EYS: variants seen among roughly 807,000 people sequenced by gnomAD.
EYS encodes protein eyes shut homolog.
Under a neutral mutation model 282.1 loss-of-function variants are expected in EYS, and 250 were observed. That is an observed-to-expected ratio of 0.89 (90% CI 0.80 to 0.98). The LOEUF is 0.98. EYS is among the 50% of genes least tolerant of loss of function. EYS has a pLI of 0.00. For synonymous variants in EYS, 1,355 were observed against 1,282.9 expected, an observed-to-expected ratio of 1.06 and a Z score of -1.20; for missense variants, 4,016 against 3,709.0, an observed-to-expected ratio of 1.08 and a Z score of -2.15.
At chr6:63,780,143 A>G (rs1021102197) in intron 39 of EYS, among the ~76,000 whole-genome samples, 3 of 152,164 alleles carry the variant, frequency 2.0e-5, no homozygotes, top group Non-Finnish European at 4.4e-5. Flanking sequence ...AATCCAGTCT[A>G]TCATTGATGG....
rs145810589 is a variant in EYS at position 64,788,949 on chromosome 6, G to T, written c.3443+24429C>A. ...ATCTGCTACTTGTAACCCAAAACCC[G>T]TAAGTCACCTCAATAAAGTGATTGC... is the stretch of plus-strand genomic sequence containing the variant. On this transcript the variant is annotated intron_variant, in intron 22 of 42. Coordinates refer to ENST00000503581, the MANE Select transcript of EYS (RefSeq NM_001142800.2). 1.2e-3 allele frequency among the ~76,000 whole-genome samples: 177 copies of T among 152,202 alleles called. 1 individual carries two copies. Among genetic ancestry groups the T allele is most frequent in the African/African-American group, 3.9e-3 (160 of 41,552 alleles).
intron 12 of EYS, among the ~76,000 whole-genome samples, chr6:65,111,806 C>T (rs1028302104): frequency 6.6e-6 from 1 of 152,144 alleles, no homozygotes; most frequent in Non-Finnish European, 1.5e-5. Context: ...AAGATTGCAC[C>T]ACTGCACTCC....
intron 21 of EYS, among the ~76,000 whole-genome samples, chr6:64,817,054 C>A (rs146725073): frequency 0.026 from 3,924 of 151,652 alleles, 66 homozygotes; most frequent in East Asian, 0.054. Flanking sequence ...AATGAATGTT[C>A]CCATTTTGCA....
chr6:64,832,705 G>T (rs185638227), intron 19 of EYS, among the ~76,000 whole-genome samples: 1 of 151,958 alleles, frequency 6.6e-6, no homozygotes, highest in East Asian at 1.9e-4. Context: ...CAGTATCATG[G>T]ATATATGCAT....
Position 65,123,758 on chromosome 6 carries a change from C to CACACA in EYS, c.2024-66032_2024-66031insTGTGT, listed in dbSNP as rs1554157087. 6.8e-3 allele frequency among the ~76,000 whole-genome samples: 1,007 copies of CACACA among 147,074 alleles called. 19 individuals are homozygous for CACACA. Among genetic ancestry groups the CACACA allele is most frequent in the Admixed American group, 0.026 (376 of 14,638 alleles). ...CAGCTGACTTATAACACCCACCCAC[C>CACACA]CACACACACACACACACACACACAC... On this transcript the variant is annotated intron_variant, in intron 12 of 42. Coordinates refer to ENST00000503581, the MANE Select transcript of EYS (RefSeq NM_001142800.2).
At chr6:65,655,780 C>A (rs942047536) in intron 1 of EYS, among the ~76,000 whole-genome samples, 1 of 151,692 alleles carries the variant, frequency 6.6e-6, no homozygotes, top group African/African-American at 2.4e-5. Context: ...TATGGATGAG[C>A]AAATAACATG....
intron 12 of EYS, among the ~76,000 whole-genome samples, chr6:65,278,741 G>A (rs1768134277): frequency 6.6e-6 from 1 of 152,100 alleles, no homozygotes. Flanking sequence ...TATTGTGCCA[G>A]ATGACATGAG....
At position 64,822,715 on chromosome 6, in the gene EYS, A is replaced by C. The variant is rs1188028980; in HGVS notation, c.3100T>G (p.Phe1034Val). The change falls in exon 20 of 43, where the codon TTT becomes GTT. Residue 1034 changes from phenylalanine to valine, a missense_variant. Transcript: ENST00000503581. ...NHYTCDCKSG[F>V]FGTHCETNAN... Reference sequence around the variant, plus strand: ...TTTGTTTCACAGTGTGTTCCAAAAAACCCACTCTTGCAGTCACAGGTATAA... The same window carrying C: ...TTTGTTTCACAGTGTGTTCCAAAAACCCCACTCTTGCAGTCACAGGTATAA... The C allele has an allele frequency of 3.9e-6, 6 of 1,549,148 alleles. No homozygotes were observed. The highest frequency in any genetic ancestry group is 1.4e-5 in the African/African-American group (1 of 72,896).
chr6:64,494,277 T>C (rs1262388033), intron 26 of EYS, among the ~76,000 whole-genome samples: 1 of 151,674 alleles, frequency 6.6e-6, no homozygotes, highest in African/African-American at 2.4e-5. Flanking sequence ...GCAATCTGAT[T>C]ATGGCACTTG....
intron 31 of EYS, among the ~76,000 whole-genome samples, chr6:64,097,080 A>C (rs1444744243): frequency 6.6e-6 from 1 of 151,642 alleles, no homozygotes; most frequent in Non-Finnish European, 1.5e-5. Context: ...ATTGGTGAAC[A>C]GGAAATGTTG....
At chr6:65,135,618 G>A (rs1156418186) in intron 12 of EYS, among the ~76,000 whole-genome samples, 1 of 151,894 alleles carries the variant, frequency 6.6e-6, no homozygotes, top group Admixed American at 6.6e-5. Flanking sequence ...TTACAAGTCT[G>A]TTAAATATCA....
At chr6:65,177,672 A>T (rs1194177133) in intron 12 of EYS, among the ~76,000 whole-genome samples, 1 of 151,912 alleles carries the variant, frequency 6.6e-6, no homozygotes, top group Non-Finnish European at 1.5e-5. Context: ...AGATGGCTTT[A>T]ACCAGTTTCT....
At chr6:65,331,515 C>T in intron 11 of EYS, 2 of 954,320 alleles carry the variant, frequency 2.1e-6, no homozygotes, top group South Asian at 4.9e-5. Flanking sequence ...TTGTTGGGCT[C>T]CATTGTTAGT....
At chr6:63,896,807 G>C (rs1018443230) in intron 35 of EYS, among the ~76,000 whole-genome samples, 42 of 152,150 alleles carry the variant, frequency 2.8e-4, no homozygotes, top group African/African-American at 9.9e-4. Context: ...AAGTCATACA[G>C]TATGTAGCTT....
intron 12 of EYS, among the ~76,000 whole-genome samples, chr6:65,129,709 T>C (rs570545351): frequency 6.6e-6 from 1 of 152,030 alleles, no homozygotes; most frequent in East Asian, 1.9e-4. Context: ...TTATACATAG[T>C]TGGTGGTAAT....
rs550808724 is a variant in EYS at position 65,492,495 on chromosome 6, C to T, written c.749-1788G>A. On this transcript the variant is annotated intron_variant, in intron 4 of 42. Transcript: ENST00000503581. ...ATATCCCATAAACTATGAATGCATA[C>T]ACGCAAATTAATATTCTGACACATG... is the stretch of plus-strand genomic sequence containing the variant. 2.0e-3 allele frequency among the ~76,000 whole-genome samples: 311 copies of T among 152,328 alleles called. 2 individuals are homozygous for T. The highest frequency in any genetic ancestry group is 7.2e-3 in the African/African-American group (300 of 41,588).
In EYS at chr6:63,754,341, C is replaced by T. The variant is rs1246796610; in HGVS notation, c.8071+8120G>A. Among the ~76,000 whole-genome samples, 5 of 152,210 alleles carry T rather than the reference C, an allele frequency of 3.3e-5. No individual in the cohort carries two copies. The East Asian group carries it at 9.7e-4, about 29-fold the overall frequency. Reference sequence around the variant, plus strand: ...ATTTCTCTGAACACTATCCCTCCCCCAGCCCCCCACTCCACAACAGGGCCC... The same window carrying T: ...ATTTCTCTGAACACTATCCCTCCCCTAGCCCCCCACTCCACAACAGGGCCC... On this transcript the variant is annotated intron_variant, in intron 41 of 42. Coordinates refer to ENST00000503581, the MANE Select transcript of EYS (RefSeq NM_001142800.2).
chr6:65,172,047 G>A (rs1217678079), intron 12 of EYS, among the ~76,000 whole-genome samples: 2 of 151,262 alleles, frequency 1.3e-5, no homozygotes, highest in Non-Finnish European at 3.0e-5. Flanking sequence ...GTTTAACTTT[G>A]GCATAAATTT....
chr6:64,013,052 A>G (rs915470344), intron 33 of EYS, among the ~76,000 whole-genome samples: 2 of 152,136 alleles, frequency 1.3e-5, no homozygotes, highest in African/African-American at 4.8e-5. Context: ...AAACAGCCCA[A>G]ATACACTTTA....
Sources: allele counts gnomAD v4.1 joint callset (sites outside exome capture counted in the v4.1 genomes callset), GRCh38; gene constraint gnomAD v4.1.1; transcripts MANE v1.5; gene names NCBI Gene and HGNC (gene_info 2026-07-23, HGNC 2026-07-21).